OLFM2: variants seen among roughly 807,000 people sequenced by gnomAD.
OLFM2 encodes olfactomedin 2.
A neutral mutation model predicts 43.9 loss-of-function variants in OLFM2; 20 were observed. That is an observed-to-expected ratio of 0.46 (90% CI 0.32 to 0.66). OLFM2 has a LOEUF of 0.66. OLFM2 is among the 30% of genes least tolerant of loss of function. The probability of loss-of-function intolerance (pLI) is 0.04; values close to 1 mark genes in which losing one functional copy is unlikely to be tolerated. For missense variants in OLFM2, 416 were observed against 643.6 expected, an observed-to-expected ratio of 0.65 and a Z score of 3.83; for synonymous variants, 268 against 278.6, an observed-to-expected ratio of 0.96 and a Z score of 0.38.
chr19:9,928,013 A>G (rs1352855027), intron 1 of OLFM2, among the ~76,000 whole-genome samples: 6 of 152,212 alleles, frequency 3.9e-5, no homozygotes, highest in Admixed American at 3.9e-4. Context: ...CCTGGGCAAC[A>G]TAGTGAGACC....
intron 1 of OLFM2, among the ~76,000 whole-genome samples, chr19:9,925,367 C>G (rs949637206): frequency 3.3e-5 from 5 of 152,088 alleles, no homozygotes; most frequent in Admixed American, 2.6e-4. Context: ...AAATAGGAAC[C>G]CTTTGTGGGA....
intron 1 of OLFM2, among the ~76,000 whole-genome samples, chr19:9,908,985 T>G (rs1020363932): frequency 6.6e-6 from 1 of 151,974 alleles, no homozygotes; most frequent in Admixed American, 6.6e-5. Context: ...AGATTACACA[T>G]GTGAGCCCAC....
intron 1 of OLFM2, among the ~76,000 whole-genome samples, chr19:9,924,989 G>A (rs550774021): frequency 6.6e-6 from 1 of 151,978 alleles, no homozygotes; most frequent in Admixed American, 6.6e-5. Context: ...ATGGCTGGGC[G>A]CCGTGGCTCA....
intron 1 of OLFM2, among the ~76,000 whole-genome samples, chr19:9,872,737 ACCATCTAT>A (rs147051279): frequency 0.12 from 18,471 of 151,834 alleles, 1,285 homozygotes; most frequent in Middle Eastern, 0.19. Context: ...CATAAAACCA[ACCATCTAT>A]CCATCTATCC....
intron 1 of OLFM2, among the ~76,000 whole-genome samples, chr19:9,893,919 G>C (rs2046659164): frequency 6.6e-6 from 1 of 152,114 alleles, no homozygotes; most frequent in African/African-American, 2.4e-5. Flanking sequence ...AGATACTAGA[G>C]TTGAACATCC....
intron 1 of OLFM2, among the ~76,000 whole-genome samples, chr19:9,929,090 A>G (rs924598318): frequency 2.0e-5 from 3 of 152,134 alleles, no homozygotes; most frequent in African/African-American, 7.2e-5. Flanking sequence ...CCACCTTGGC[A>G]GGGAGGACAT....
At chr19:9,866,921 TACAA>T (rs1271900815) in intron 1 of OLFM2, among the ~76,000 whole-genome samples, 1 of 152,218 alleles carries the variant, frequency 6.6e-6, no homozygotes, top group Non-Finnish European at 1.5e-5. Flanking sequence ...GCTGAAATCT[TACAA>T]ACACTTTTGC....
chr19:9,857,950 G>T lies in OLFM2; in HGVS notation c.214-89C>A. 1.3e-6 allele frequency: 2 copies of T among 1,561,326 alleles called. No homozygotes were observed. The highest frequency in any genetic ancestry group is 1.7e-5 in the Admixed American group (1 of 58,234). On this transcript the variant is annotated intron_variant, in intron 2 of 5. Transcript: ENST00000264833. This position sits in a 1 kb window ranked among gnomAD's most constrained non-coding sequence, Gnocchi z 5.7. Reference sequence around the variant, plus strand: ...CAGACAAGAGCTGGCAGGAACAGAGGCTGTACAAACACCACACCGACGAGG... The same window carrying T: ...CAGACAAGAGCTGGCAGGAACAGAGTCTGTACAAACACCACACCGACGAGG...
chr19:9,933,419 G>T (rs904484519), intron 1 of OLFM2, among the ~76,000 whole-genome samples: 1 of 151,952 alleles, frequency 6.6e-6, no homozygotes, highest in African/African-American at 2.4e-5. Context: ...TGCATTTTTA[G>T]TAGAGACGGG....
At position 9,890,961 on chromosome 19, in the gene OLFM2, C is replaced by T. The variant is rs541913476; in HGVS notation, c.64-30167G>A. ...GAGCAAAACCCTGTCTCTGAAACAA[C>T]GAAGAAAAAAAGAGGCAAGCCAGTG... On this transcript the variant is annotated intron_variant, in intron 1 of 5. Transcript: ENST00000264833. Among the ~76,000 whole-genome samples, 23 of 149,910 alleles carry T rather than the reference C, an allele frequency of 1.5e-4. 1 individual carries two copies. In the South Asian group the frequency reaches 1.7e-3, roughly 11 times the overall value.
intron 1 of OLFM2, among the ~76,000 whole-genome samples, chr19:9,929,994 G>A (rs547383632): frequency 7.2e-5 from 11 of 152,160 alleles, no homozygotes; most frequent in East Asian, 1.9e-4. Context: ...AGCCGAGATC[G>A]CGCCACTGAC....
intron 1 of OLFM2, among the ~76,000 whole-genome samples, chr19:9,901,345 G>A (rs1262928196): frequency 6.6e-6 from 1 of 152,240 alleles, no homozygotes; most frequent in East Asian, 1.9e-4. Flanking sequence ...AGACTTGCTT[G>A]AGCCTGGAAG....
rs145464438 is a variant in OLFM2 at position 9,905,603 on chromosome 19, C to T, written c.63+30701G>A. On this transcript the variant is annotated intron_variant, in intron 1 of 5. Coordinates refer to ENST00000264833, the MANE Select transcript of OLFM2 (RefSeq NM_058164.4). ...TTGCGCCACTGCACTCCAGCATGGGCGACAGAATGAGACTCCATCTCAAAA... is the reference window on the plus strand; with the variant it reads ...TTGCGCCACTGCACTCCAGCATGGGTGACAGAATGAGACTCCATCTCAAAA... Among the ~76,000 whole-genome samples the T allele has an allele frequency of 9.8e-4, 144 of 147,662 alleles. 3 individuals are homozygous for T. The East Asian group carries it at 0.027, about 28-fold the overall frequency.
intron 1 of OLFM2, among the ~76,000 whole-genome samples, chr19:9,883,416 G>A (rs968465280): frequency 2.6e-5 from 4 of 152,010 alleles, no homozygotes; most frequent in African/African-American, 4.8e-5. Flanking sequence ...CTGCTTGGAG[G>A]GGAGGGGGTA....
chr19:9,919,240 C>T (rs1161062225), intron 1 of OLFM2, among the ~76,000 whole-genome samples: 1 of 151,094 alleles, frequency 6.6e-6, no homozygotes, highest in Non-Finnish European at 1.5e-5. Context: ...GATCTCGGCT[C>T]ACTGCAAGTT....
At chr19:9,884,881 TATGA>T (rs574911638) in intron 1 of OLFM2, among the ~76,000 whole-genome samples, 5 of 152,128 alleles carry the variant, frequency 3.3e-5, no homozygotes, top group Non-Finnish European at 2.9e-5. Flanking sequence ...GGCATCAAGA[TATGA>T]ATGAATGAAT....
chr19:9,874,631 C>T (rs958097236), intron 1 of OLFM2, among the ~76,000 whole-genome samples: 2 of 152,086 alleles, frequency 1.3e-5, no homozygotes, highest in Non-Finnish European at 2.9e-5. Flanking sequence ...CAGGTGTGCA[C>T]CACCATGCCT....
At chr19:9,936,094 C>A (rs1257818922) in intron 1 of OLFM2, among the ~76,000 whole-genome samples, 1 of 151,654 alleles carries the variant, frequency 6.6e-6, no homozygotes, top group East Asian at 2.0e-4. Context: ...CAAACCAGCC[C>A]AGCTTGAGGC....
intron 1 of OLFM2, among the ~76,000 whole-genome samples, chr19:9,866,303 C>T (rs2046401934): frequency 1.3e-5 from 2 of 152,070 alleles, no homozygotes; most frequent in Admixed American, 1.3e-4. Context: ...CTCTCCCAGA[C>T]TGGGTCTAGC....
Sources: gnomAD v4.1 joint callset for allele counts (sites outside exome capture counted in the v4.1 genomes callset) on GRCh38, gnomAD v4.1.1 for gene constraint, Gnocchi (gnomAD v3.1) non-coding constraint, MANE v1.5 for transcripts, NCBI Gene and HGNC (gene_info 2026-07-23, HGNC 2026-07-21) for gene names.